The following ISYNA1 variants were observed in gnomAD, a reference collection of about 807,000 sequenced individuals.
ISYNA1 encodes the protein MI-1-P synthase.
In ISYNA1, 34 loss-of-function variants were observed where a neutral mutation model predicts 50.3. That is an observed-to-expected ratio of 0.68 (90% CI 0.51 to 0.90). ISYNA1 has a LOEUF of 0.90. ISYNA1 is among the 40% of genes least tolerant of loss of function. The pLI is 0.00. For synonymous variants in ISYNA1, 396 were observed against 349.9 expected (o/e 1.13, Z -1.47); for missense variants, 718 against 784.8 (o/e 0.91, Z 1.02).
At chr19:18,436,596 G>A (rs1974058318) in intron 5 of ISYNA1, 88 bp downstream of exon 5, 3 of 1,597,956 alleles carry the variant, frequency 1.9e-6, no homozygotes, top group Non-Finnish European at 2.6e-6. Context: ...GTCAAGTGAG[G>A]CCTGGATTCG....
chr19:18,434,747 C>T lies in ISYNA1; in HGVS notation c.*166G>A, dbSNP rs572600856. 31 of 630,006 alleles carry T rather than the reference C, an allele frequency of 4.9e-5. No homozygotes were observed. The African/African-American group carries it at 4.9e-4, about 10-fold the overall frequency. The allele number at this position is 630,006 out of a possible 1,614,324, so 39.0% of individuals were successfully genotyped here. On this transcript the variant is annotated 3_prime_UTR_variant, in exon 11 of 11. Coordinates refer to ENST00000338128, the MANE Select transcript of ISYNA1 (RefSeq NM_016368.5). ...CAGAGGGGATGGGACTGAAGCTGGGCGCTCAAGAGTCGGGGAAGTAGAGGG... is the reference window on the plus strand; with the variant it reads ...CAGAGGGGATGGGACTGAAGCTGGGTGCTCAAGAGTCGGGGAAGTAGAGGG...
chr19:18,435,486 G>T lies in ISYNA1; in HGVS notation c.1255-3C>A. 2 of 1,608,534 alleles carry T rather than the reference G, an allele frequency of 1.2e-6. No individual in the cohort carries two copies. On this transcript the variant is annotated splice_region_variant and splice_polypyrimidine_tract_variant and intron_variant, in intron 9 of 10. Coordinates refer to ENST00000338128, the MANE Select transcript of ISYNA1 (RefSeq NM_016368.5). ...ATGGGTGCGGCCAGCAGCGAGTCCT[G>T]CGGGGCGGGTGGGTCAGGAGATGGG...
rs1600394756 is a variant in ISYNA1 at position 18,436,303 on chromosome 19, A to T, written c.759+27T>A. 7 of 1,609,762 alleles carry T rather than the reference A, an allele frequency of 4.3e-6. No individual in the cohort carries two copies. In the South Asian group the frequency reaches 7.7e-5, roughly 18 times the overall value. On this transcript the variant is annotated intron_variant, in intron 6 of 10. Coordinates refer to ENST00000338128, the MANE Select transcript of ISYNA1 (RefSeq NM_016368.5). Reference sequence around the variant, plus strand: ...CTGTGTCTGTGACTGGCCCTGCCTGACCCGCTCCACCCGGGCGTTCGCCCA... The same window carrying T: ...CTGTGTCTGTGACTGGCCCTGCCTGTCCCGCTCCACCCGGGCGTTCGCCCA...
At chr19:18,436,651 G>A in intron 5 of ISYNA1, 33 bp downstream of exon 5, 2 of 1,583,926 alleles carry the variant, frequency 1.3e-6, no homozygotes, top group South Asian at 2.3e-5. Flanking sequence ...AGAACAGGTG[G>A]CAGGAAGCAA....
rs774704289 is a variant in ISYNA1 at position 18,434,967 on chromosome 19, G to T, written c.1623C>A (p.Cys541Ter). ...GCAGATGCCCATTGGCATCACCGGT[G>T]CAGCCATTGGTGGCAGCGGGTACCG... ...KGPVPAATNG[C>*]TGDANGHLQE... The change falls in exon 11 of 11, where the codon TGC (cysteine) becomes TGA (stop). Residue 541 changes from cysteine to a stop codon, truncating the protein, a stop_gained. Coordinates refer to ENST00000338128, the MANE Select transcript of ISYNA1 (RefSeq NM_016368.5). LOFTEE classifies it low-confidence loss of function (END_TRUNC). The T allele has an allele frequency of 1.9e-5, 31 of 1,613,428 alleles. No individual in the cohort carries two copies. Among genetic ancestry groups the T allele is most frequent in the Non-Finnish European group, 1.8e-5 (21 of 1,180,028 alleles).
At chr19:18,437,319 C>G (rs1001141260) in intron 3 of ISYNA1, 13 of 1,413,878 alleles carry the variant, frequency 9.2e-6, no homozygotes, top group Non-Finnish European at 1.2e-5. Context: ...CGAGGAGTCC[C>G]CGCTACCTCG....
At position 18,435,633 on chromosome 19, in the gene ISYNA1, G is replaced by A; in HGVS notation, c.1184C>T (p.Ala395Val). 6.2e-7 allele frequency: 1 copy of A among 1,611,462 alleles called. No homozygotes were observed. Among genetic ancestry groups the A allele is most frequent in the Non-Finnish European group, 8.5e-7 (1 of 1,179,116 alleles). Reference protein sequence around the residue: ...YVPYVGDSKRALDEYTSELML... With the variant: ...YVPYVGDSKRVLDEYTSELML... ...CAGCTCCGAGGTATACTCATCCAGC[G>A]CGCGCTTGCTGTCACCCACGTACGG... The change falls in exon 9 of 11, where the codon GCG becomes GTG. Residue 395 changes from alanine to valine, a missense_variant. By Grantham distance (64) the Ala-to-Val change is moderately conservative. This residue lies in a region of ISYNA1 where 305 missense variants were observed against 292.6 expected (regional missense o/e 1.04). Coordinates refer to ENST00000338128, the MANE Select transcript of ISYNA1 (RefSeq NM_016368.5).
rs1973842191 is a variant in ISYNA1, at chr19:18,434,398, A to G, written c.*515T>C. On this transcript the variant is annotated 3_prime_UTR_variant, in exon 11 of 11. Coordinates refer to ENST00000338128, the MANE Select transcript of ISYNA1 (RefSeq NM_016368.5). ...AGGCCCCACACGAAAGACTCTTACC[A>G]TTTTATTAAAAACGCAAGGACCTCA... 3 of 1,355,228 alleles carry G rather than the reference A, an allele frequency of 2.2e-6. No individual in the cohort carries two copies. The highest frequency in any genetic ancestry group is 1.6e-5 in the South Asian group (1 of 61,444). 84.0% of individuals were successfully genotyped at this position (1,355,228 alleles called of 1,614,324 possible). A position where few individuals can be genotyped will look rare whatever the true frequency, so the allele number is the denominator to read the frequency against.
In ISYNA1 at chr19:18,436,883, G is replaced by A. The variant is rs773823049; in HGVS notation, c.416-6C>T. ...CAGCGACGAGATGTCCCAGCCTGGGGGGACCCTCACACTCGGCCCTGCCCG... is the reference window on the plus strand; with the variant it reads ...CAGCGACGAGATGTCCCAGCCTGGGAGGACCCTCACACTCGGCCCTGCCCG... On this transcript the variant is annotated splice_region_variant and splice_polypyrimidine_tract_variant and intron_variant, in intron 4 of 10. Transcript: ENST00000338128. 1.9e-6 allele frequency: 3 copies of A among 1,597,614 alleles called. No individual in the cohort carries two copies. The African/African-American group carries it at 4.0e-5, about 22-fold the overall frequency.
intron 4 of ISYNA1, 38 bp downstream of exon 4, chr19:18,436,935 T>TACCAAACCCCCCC: frequency 6.3e-7 from 1 of 1,578,706 alleles, no homozygotes; most frequent in Non-Finnish European, 8.7e-7. Context: ...AGACCCCATC[T>TACCAAACCCCCCC]CCCATCCCGC....
chr19:18,435,725 C>T (rs1041004229), intron 8 of ISYNA1, 32 bp downstream of exon 8: 4 of 1,610,790 alleles, frequency 2.5e-6, no homozygotes, highest in Non-Finnish European at 3.4e-6. Flanking sequence ...CCTCGCCGGG[C>T]AACCCCGCGC....
chr19:18,434,780 G>A lies in ISYNA1; in HGVS notation c.*133C>T, dbSNP rs943176065. ...AGTCGGGGAAGTAGAGGGAGGCAGA[G>A]TCAGGTCACAGGCCCCAAGAACCCC... On this transcript the variant is annotated 3_prime_UTR_variant, in exon 11 of 11. Coordinates refer to ENST00000338128, the MANE Select transcript of ISYNA1 (RefSeq NM_016368.5). 12 of 741,500 alleles carry A rather than the reference G, an allele frequency of 1.6e-5. No homozygotes were observed. Among genetic ancestry groups the A allele is most frequent in the Non-Finnish European group, 2.5e-5 (11 of 438,756 alleles). The allele number at this position is 741,500 out of a possible 1,614,324, so 45.9% of individuals were successfully genotyped here.
At chr19:18,435,242 G>A (rs199611885) in intron 10 of ISYNA1, 24 bp downstream of exon 10, 6 of 1,600,972 alleles carry the variant, frequency 3.7e-6, no homozygotes, top group Admixed American at 3.3e-5. Flanking sequence ...GGCCCCGGGC[G>A]GGAACCTGGA....
In ISYNA1 at chr19:18,435,053, G is replaced by T. The variant is rs1397723588; in HGVS notation, c.1537C>A (p.Pro513Thr). 5 of 1,613,492 alleles carry T rather than the reference G, an allele frequency of 3.1e-6. No homozygotes were observed. The highest frequency in any genetic ancestry group is 3.4e-6 in the Non-Finnish European group (4 of 1,180,010). ...LLEHKMERPG[P>T]SLKRVGPVAA... ...ACGGGTCCAACTCGCTTGAGGCTGG[G>T]CCCTGGGCGCTCCATTTTGTGTTCC... Residue 513 changes from proline (P) to threonine (T), a missense_variant, in exon 11 of 11, where the codon CCC becomes ACC. Physicochemically the swap from Pro to Thr is conservative, Grantham distance 38 (BLOSUM62 -1). Transcript: ENST00000338128.
rs1435373319 is a variant in ISYNA1, at chr19:18,435,686, A to T, written c.1141-10T>A. On this transcript the variant is annotated splice_polypyrimidine_tract_variant and intron_variant, in intron 8 of 10. Transcript: ENST00000338128. The stretch of plus-strand genomic sequence containing the variant: ...CATACTTGATGACCACCTGGAGTGC[A>T]GCAGGAGTTTGCCCGGGTCCCTGCC... The T allele has an allele frequency of 4.3e-6, 7 of 1,611,734 alleles. No individual in the cohort carries two copies. The highest frequency in any genetic ancestry group is 5.9e-6 in the Non-Finnish European group (7 of 1,179,300).
At chr19:18,437,575 C>G in intron 3 of ISYNA1, 24 bp downstream of exon 3, 1 of 1,441,382 alleles carries the variant, frequency 6.9e-7, no homozygotes. Context: ...GCCTCCCTAC[C>G]CACCACGCCC....
chr19:18,435,092 T>C lies in ISYNA1; in HGVS notation c.1498A>G (p.Asn500Asp). The C allele has an allele frequency of 6.2e-7, 1 of 1,613,468 alleles. No individual in the cohort carries two copies. ...ATTTTGTGTTCCAGGAGCATGTGGT[T>C]CTGTGGCGGGAGCCCCACGCAGGCC... ...LRACVGLPPQ[N>D]HMLLEHKMER... The change falls in exon 11 of 11, where the codon AAC becomes GAC. Residue 500 changes from asparagine (N) to aspartate (D), a missense_variant. Asn to Asp is a conservative substitution (Grantham distance 23, BLOSUM62 1). Around this residue, in one of 3 missense-constraint regions of ISYNA1, gnomAD observed 305 missense variants for 292.6 expected, o/e 1.04. Transcript: ENST00000338128.
At position 18,435,085 on chromosome 19, in the gene ISYNA1, A is replaced by T; in HGVS notation, c.1505T>A (p.Met502Lys). Reference sequence around the variant, plus strand: ...GCGCTCCATTTTGTGTTCCAGGAGCATGTGGTTCTGTGGCGGGAGCCCCAC... The same window carrying T: ...GCGCTCCATTTTGTGTTCCAGGAGCTTGTGGTTCTGTGGCGGGAGCCCCAC... ...ACVGLPPQNH[M>K]LLEHKMERPG... Residue 502 changes from methionine (M) to lysine (K), a missense_variant, in exon 11 of 11, where the codon ATG becomes AAG. This residue lies in a region of ISYNA1 where 305 missense variants were observed against 292.6 expected (regional missense o/e 1.04). Transcript: ENST00000338128. The T allele has an allele frequency of 6.2e-7, 1 of 1,613,530 alleles. No individual in the cohort carries two copies. Among genetic ancestry groups the T allele is most frequent in the Non-Finnish European group, 8.5e-7 (1 of 1,179,980 alleles).
In ISYNA1 at chr19:18,437,000, C is replaced by T; in HGVS notation, c.388G>A (p.Val130Met). Residue 130 changes from valine (V) to methionine (M), a missense_variant, in exon 4 of 11, where the codon GTG becomes ATG. Val to Met is a conservative substitution (Grantham distance 21). Around this residue, in one of 3 missense-constraint regions of ISYNA1, gnomAD observed 403 missense variants for 466.6 expected, o/e 0.86. Transcript: ENST00000338128. ...FVPFSAVLPM[V>M]APNDLVFDGW... The stretch of plus-strand genomic sequence containing the variant: ...TCGAACACGAGGTCGTTGGGCGCCA[C>T]CATGGGCAGCACCGCGCTGAAGGGT... 1 of 1,611,068 alleles carries T rather than the reference C, an allele frequency of 6.2e-7. No individual in the cohort carries two copies. Among genetic ancestry groups the T allele is most frequent in the Non-Finnish European group, 8.5e-7 (1 of 1,179,310 alleles).
Sources: allele counts gnomAD v4.1 joint callset, GRCh38; gene constraint gnomAD v4.1.1; regional missense constraint gnomAD v4.1.1; transcripts MANE v1.5; gene names NCBI Gene and HGNC (gene_info 2026-07-23, HGNC 2026-07-21).